The following TRAP1 variants were observed in gnomAD, a reference collection of about 807,000 sequenced individuals.
TRAP1 encodes heat shock protein 75 kDa, mitochondrial.
In TRAP1, 102 loss-of-function variants were observed where a neutral mutation model predicts 89.1. The observed-to-expected ratio is 1.15, with a 90% CI of 0.98 to 1.35. TRAP1 has a LOEUF of 1.35. Ranked by LOEUF, TRAP1 falls within the 40% of genes most tolerant of loss-of-function variation. The pLI is 0.00. For missense variants in TRAP1, 1,256 were observed against 945.3 expected (o/e 1.33, Z -4.31); for synonymous variants, 508 against 388.0 (o/e 1.31, Z -3.64).
intron 1 of TRAP1, among the ~76,000 whole-genome samples, chr16:3,705,985 T>G (rs4786434): frequency 0.19 from 28,681 of 149,664 alleles, 5,093 homozygotes; most frequent in African/African-American, 0.47. Context: ...GAGCCACCAG[T>G]CCCGGCCCTT....
rs929967408 is a variant in TRAP1 at position 3,674,648 on chromosome 16, C to T, written c.889-154G>A. ...GGCGTAGACCCCTCTCCAGCCCCACCGCTGGGCTATGCCGGGTAGTGCAGG... is the reference window on the plus strand; with the variant it reads ...GGCGTAGACCCCTCTCCAGCCCCACTGCTGGGCTATGCCGGGTAGTGCAGG... On this transcript the variant is annotated intron_variant, in intron 8 of 17. Transcript: ENST00000246957. 33 of 888,748 alleles carry T rather than the reference C, an allele frequency of 3.7e-5. 2 individuals are homozygous for T. The South Asian group carries it at 3.9e-4, about 11-fold the overall frequency. 55.1% of individuals were successfully genotyped at this position (888,748 alleles called of 1,614,324 possible). A position where few individuals can be genotyped will look rare whatever the true frequency, so the allele number is the denominator to read the frequency against.
intron 1 of TRAP1, among the ~76,000 whole-genome samples, chr16:3,702,176 C>T (rs939159783): frequency 3.3e-5 from 5 of 149,656 alleles, no homozygotes; most frequent in Non-Finnish European, 5.9e-5. Context: ...TCCCTGCTGT[C>T]GATGTTGAGG....
chr16:3,670,975 T>C (rs1241324252), intron 11 of TRAP1, among the ~76,000 whole-genome samples: 1 of 151,562 alleles, frequency 6.6e-6, no homozygotes, highest in Non-Finnish European at 1.5e-5. Flanking sequence ...ACACACCAAT[T>C]ACCCAGACTC....
intron 1 of TRAP1, among the ~76,000 whole-genome samples, chr16:3,715,347 A>G (rs965709369): frequency 6.6e-6 from 1 of 152,280 alleles, no homozygotes; most frequent in Non-Finnish European, 1.5e-5. Flanking sequence ...CTGAGGCAGG[A>G]GAATGGCCTG....
chr16:3,669,641 C>T (rs1048568518), intron 11 of TRAP1, among the ~76,000 whole-genome samples: 21 of 150,636 alleles, frequency 1.4e-4, no homozygotes, highest in African/African-American at 3.9e-4. Context: ...AAGACCATCC[C>T]GGCTAACACA....
chr16:3,685,397 G>C (rs2051125700), intron 4 of TRAP1, among the ~76,000 whole-genome samples: 1 of 152,084 alleles, frequency 6.6e-6, no homozygotes, highest in African/African-American at 2.4e-5. Context: ...TATGTGGCAT[G>C]ACCTTCAGAG....
intron 1 of TRAP1, 27 bp downstream of exon 1, chr16:3,717,394 C>T: frequency 2.0e-6 from 2 of 1,013,706 alleles, no homozygotes; most frequent in African/African-American, 3.4e-5. Context: ...GGCCCGCCCG[C>T]TGCCCGTCCA....
At chr16:3,684,104 C>T (rs1479071076) in intron 4 of TRAP1, among the ~76,000 whole-genome samples, 1 of 152,022 alleles carries the variant, frequency 6.6e-6, no homozygotes, top group African/African-American at 2.4e-5. Flanking sequence ...GGGCAGAGGC[C>T]TCACTGCAGT....
intron 11 of TRAP1, among the ~76,000 whole-genome samples, chr16:3,670,239 G>C (rs530842067): frequency 3.3e-5 from 5 of 151,254 alleles, no homozygotes; most frequent in African/African-American, 1.2e-4. Flanking sequence ...AAAATCAGCC[G>C]GGCATGGTGG....
At chr16:3,663,367 G>A in intron 14 of TRAP1, 57 bp downstream of exon 14, 1 of 1,606,632 alleles carries the variant, frequency 6.2e-7, no homozygotes, top group Non-Finnish European at 8.5e-7. Context: ...TGCGGGGCAG[G>A]AGAGGCGTGC....
At chr16:3,714,786 A>T (rs573332912) in intron 1 of TRAP1, among the ~76,000 whole-genome samples, 1 of 152,272 alleles carries the variant, frequency 6.6e-6, no homozygotes, top group Non-Finnish European at 1.5e-5. Flanking sequence ...GGGCGAGAGG[A>T]TTCCACAGAC....
At chr16:3,688,133 CT>C (rs1241080742) in intron 3 of TRAP1, among the ~76,000 whole-genome samples, 2 of 152,036 alleles carry the variant, frequency 1.3e-5, no homozygotes, top group African/African-American at 4.8e-5. Flanking sequence ...CTTCATCTTT[CT>C]TTTTCCTTGT....
At chr16:3,712,979 C>T (rs535328940) in intron 1 of TRAP1, among the ~76,000 whole-genome samples, 3 of 152,304 alleles carry the variant, frequency 2.0e-5, no homozygotes, top group South Asian at 4.1e-4. Flanking sequence ...AGCTGAAGGT[C>T]CTCCTGGTGG....
chr16:3,698,578 A>C (rs1267330583), intron 1 of TRAP1, among the ~76,000 whole-genome samples: 1 of 151,640 alleles, frequency 6.6e-6, no homozygotes, highest in Non-Finnish European at 1.5e-5. Flanking sequence ...CTGGGATTAC[A>C]GGCGTGAGCC....
chr16:3,658,675 AAAC>A, intron 17 of TRAP1, 115 bp downstream of exon 17: 1 of 952,062 alleles, frequency 1.1e-6, no homozygotes, highest in Non-Finnish European at 1.5e-6. Flanking sequence ...CCATCTCAAA[AAAC>A]AAACAAACAA....
chr16:3,667,403 C>G (rs1057060487), intron 11 of TRAP1, among the ~76,000 whole-genome samples: 53 of 152,056 alleles, frequency 3.5e-4, no homozygotes, highest in Admixed American at 1.3e-3. Context: ...GCGGGCGGAT[C>G]ACCAGAGGTC....
At chr16:3,668,504 C>T (rs1316495942) in intron 11 of TRAP1, among the ~76,000 whole-genome samples, 3 of 152,228 alleles carry the variant, frequency 2.0e-5, no homozygotes. Flanking sequence ...ACCCCAAAGG[C>T]ATCGAGAAGG....
intron 16 of TRAP1, 105 bp downstream of exon 16, chr16:3,661,882 G>A (rs1409761876): frequency 1.2e-5 from 17 of 1,392,470 alleles, no homozygotes; most frequent in Admixed American, 5.4e-5. Context: ...CATGTCCACA[G>A]GCCTCACGCA....
intron 1 of TRAP1, among the ~76,000 whole-genome samples, chr16:3,708,384 A>G (rs2051479797): frequency 6.6e-6 from 1 of 152,152 alleles, no homozygotes; most frequent in South Asian, 2.1e-4. Context: ...CACACCTGTA[A>G]TGCCAACACT....
Sources: allele counts gnomAD v4.1 joint callset (sites outside exome capture counted in the v4.1 genomes callset), GRCh38; gene constraint gnomAD v4.1.1; transcripts MANE v1.5; gene names NCBI Gene and HGNC (gene_info 2026-07-23, HGNC 2026-07-21).